The following DNAH7 variants were observed in gnomAD, a reference collection of about 807,000 sequenced individuals.
The protein encoded by DNAH7 is dynein axonemal heavy chain 7.
A neutral mutation model predicts 444.6 loss-of-function variants in DNAH7; 397 were observed. The ratio of observed to expected loss-of-function variants is 0.89; its 90% confidence interval spans 0.82 to 0.97. The LOEUF (loss-of-function observed/expected upper bound fraction) is 0.97, where lower values mean the gene tolerates loss of function less well. DNAH7 is among the 50% of genes least tolerant of loss of function. The probability of loss-of-function intolerance (pLI) is 0.00; values close to 1 mark genes in which losing one functional copy is unlikely to be tolerated. For missense variants in DNAH7, 4,902 were observed against 4,800.8 expected, an observed-to-expected ratio of 1.02 and a Z score of -0.62; for synonymous variants, 1,636 against 1,624.4, an observed-to-expected ratio of 1.01 and a Z score of -0.17.
At position 195,995,439 on chromosome 2, in the gene DNAH7, T is replaced by C. The variant is rs191574937; in HGVS notation, c.1353+5265A>G. 2.7e-3 allele frequency: 1,166 copies of C among 428,200 alleles called. 4 individuals are homozygous for C. Among genetic ancestry groups the C allele is most frequent in the Non-Finnish European group, 4.5e-3 (967 of 216,310 alleles). The allele number at this position is 428,200 out of a possible 1,614,324, so 26.5% of individuals were successfully genotyped here. ...GGAGATTTTTGGAGTTTTAGGACTA[T>C]CTGGACTTCATAGAGCAGCTCTTCT... On this transcript the variant is annotated intron_variant, in intron 12 of 64. Coordinates refer to ENST00000312428, the MANE Select transcript of DNAH7 (RefSeq NM_018897.3).
At position 195,951,256 on chromosome 2, in the gene DNAH7, G is replaced by C. The variant is rs573269172; in HGVS notation, c.3078+6005C>G. Among the ~76,000 whole-genome samples the C allele has an allele frequency of 1.2e-3, 181 of 152,292 alleles. 2 individuals carry two copies. Among genetic ancestry groups the C allele is most frequent in the African/African-American group, 4.2e-3 (173 of 41,560 alleles). ...TCCATGTAGTTGTGTGGTTTTGAGT[G>C]AGTTTCTTAACTCTGAGTTCTAATT... On this transcript the variant is annotated intron_variant, in intron 19 of 64. Transcript: ENST00000312428.
Position 196,066,211 on chromosome 2 carries a change from A to G in DNAH7, c.15+2486T>C, listed in dbSNP as rs549169302. On this transcript the variant is annotated intron_variant, in intron 1 of 64. Coordinates refer to ENST00000312428, the MANE Select transcript of DNAH7 (RefSeq NM_018897.3). ...CTGATCAAATGACTAGAATCTATAA[A>G]TGTGTCTGGTTAAATCAACAATAAC... Among the ~76,000 whole-genome samples, 7 of 152,340 alleles carry G rather than the reference A, an allele frequency of 4.6e-5. No individual in the cohort carries two copies. The South Asian group carries it at 1.4e-3, about 32-fold the overall frequency.
intron 48 of DNAH7, among the ~76,000 whole-genome samples, chr2:195,832,557 C>T (rs1282338613): frequency 6.6e-6 from 1 of 151,906 alleles, no homozygotes; most frequent in Non-Finnish European, 1.5e-5. Flanking sequence ...ATTCTCCCAC[C>T]TCAGCCTCCT....
In DNAH7 at chr2:196,006,994, T is replaced by C. The variant is rs534949994; in HGVS notation, c.990-5136A>G. Among the ~76,000 whole-genome samples the C allele has an allele frequency of 1.1e-4, 17 of 152,270 alleles. No homozygotes were observed. The South Asian group carries it at 1.2e-3, about 11-fold the overall frequency. On this transcript the variant is annotated intron_variant, in intron 10 of 64. Coordinates refer to ENST00000312428, the MANE Select transcript of DNAH7 (RefSeq NM_018897.3). ...TGGAAAGACATCCTGTGTTCATGAA[T>C]TGAAAGACTTAACATTATTAAGTTA... is the stretch of plus-strand genomic sequence containing the variant.
rs747868722 is a variant in DNAH7 at position 196,026,899 on chromosome 2, A to G, written c.528T>C (p.His176=). The G allele has an allele frequency of 1.9e-6, 3 of 1,612,248 alleles. No individual in the cohort carries two copies. The highest frequency in any genetic ancestry group is 2.2e-5 in the South Asian group (2 of 90,928). The part of the protein sequence containing the change: ...YYIHHGIDTD[H]VAPMEDSWLE... ...GCCAAGAATCTTCCATTGGGGCTAC[A>G]TGGTCTGTATCAATTCCATGGTGAA... The change falls in exon 7 of 65, where the codon CAT becomes CAC. Residue 176 remains histidine, a synonymous_variant. Coordinates refer to ENST00000312428, the MANE Select transcript of DNAH7 (RefSeq NM_018897.3).
At chr2:195,844,898 T>A (rs1698896077) in intron 47 of DNAH7, 104 bp downstream of exon 47, 13 of 988,706 alleles carry the variant, frequency 1.3e-5, no homozygotes. Context: ...AGTTAAGTAA[T>A]TTTTTAATAC....
chr2:196,068,816 T>A lies in DNAH7; in HGVS notation c.-105A>T. ...CCCCGGGACTTGCAGCGGTCTCAGCTCCCTCCGCACCAGAGCCGTCTAGCG... is the reference window on the plus strand; with the variant it reads ...CCCCGGGACTTGCAGCGGTCTCAGCACCCTCCGCACCAGAGCCGTCTAGCG... On this transcript the variant is annotated 5_prime_UTR_variant, in exon 1 of 65. Transcript: ENST00000312428. 1 of 1,441,818 alleles carries A rather than the reference T, an allele frequency of 6.9e-7. No homozygotes were observed. The highest frequency in any genetic ancestry group is 1.4e-5 in the African/African-American group (1 of 70,702). 89.3% of individuals were successfully genotyped at this position (1,441,818 alleles called of 1,614,324 possible).
chr2:195,988,205 A>C lies in DNAH7; in HGVS notation c.1378T>G (p.Leu460Val). ...KWESKSKPTT[L>V]KPIILNEIVD... ...ATTTCATTCAGAATTATGGGCTTCA[A>C]GGTTGTTGGTTTAGACTTACTTTCC... is the stretch of plus-strand genomic sequence containing the variant. The change falls in exon 13 of 65, where the codon TTG (leucine) becomes GTG (valine). Residue 460 changes from leucine to valine, a missense_variant. Transcript: ENST00000312428. The C allele has an allele frequency of 6.2e-7, 1 of 1,608,670 alleles. No homozygotes were observed. The highest frequency in any genetic ancestry group is 8.5e-7 in the Non-Finnish European group (1 of 1,178,376).
At chr2:195,926,304 T>C in intron 22 of DNAH7, 122 bp downstream of exon 22, 1 of 893,574 alleles carries the variant, frequency 1.1e-6, no homozygotes, top group Non-Finnish European at 1.5e-6. Context: ...GTAATTTGGC[T>C]TGCAGCATAA....
chr2:195,800,772 A>G (rs908072818), intron 54 of DNAH7, among the ~76,000 whole-genome samples: 10 of 152,336 alleles, frequency 6.6e-5, no homozygotes, highest in Admixed American at 6.5e-4. Context: ...TTTTCCTGGA[A>G]AAAAATCAAT....
chr2:195,820,902 A>T (rs1697437806), intron 49 of DNAH7, among the ~76,000 whole-genome samples: 1 of 152,242 alleles, frequency 6.6e-6, no homozygotes, highest in African/African-American at 2.4e-5. Context: ...TTTGCAAAGC[A>T]AAAGCGTTGT....
chr2:195,960,230 A>T (rs780443170), intron 18 of DNAH7, 30 bp downstream of exon 18: 2 of 1,545,164 alleles, frequency 1.3e-6, no homozygotes. Flanking sequence ...GTAACATAGC[A>T]TAAACATTGC....
At chr2:195,812,104 T>C (rs566970821) in intron 51 of DNAH7, among the ~76,000 whole-genome samples, 1 of 152,224 alleles carries the variant, frequency 6.6e-6, no homozygotes, top group Non-Finnish European at 1.5e-5. Flanking sequence ...CCTCTGGCAG[T>C]CCCCACCCAG....
intron 61 of DNAH7, among the ~76,000 whole-genome samples, chr2:195,765,739 G>A (rs1423514770): frequency 6.6e-6 from 1 of 152,164 alleles, no homozygotes; most frequent in African/African-American, 2.4e-5. Flanking sequence ...AAATGCAGGT[G>A]AGAATGTGGA....
intron 1 of DNAH7, 117 bp downstream of exon 1, chr2:196,068,580 T>C (rs1018203350): frequency 3.7e-6 from 5 of 1,368,614 alleles, no homozygotes; most frequent in Non-Finnish European, 5.0e-6. Context: ...TGAAGGAAGC[T>C]GTACACCGCG....
At chr2:195,832,508 T>C (rs1033092895) in intron 48 of DNAH7, among the ~76,000 whole-genome samples, 8 of 151,868 alleles carry the variant, frequency 5.3e-5, no homozygotes, top group African/African-American at 1.5e-4. Flanking sequence ...AGTGGTGTTA[T>C]CATAGCTCAC....
intron 61 of DNAH7, among the ~76,000 whole-genome samples, chr2:195,767,870 TAAAG>T (rs1479360343): frequency 2.0e-5 from 3 of 151,834 alleles, no homozygotes; most frequent in Non-Finnish European, 2.9e-5. Flanking sequence ...ATAAAGAAGA[TAAAG>T]AAACATGGCA....
At chr2:195,946,509 A>C (rs1182541979) in intron 19 of DNAH7, among the ~76,000 whole-genome samples, 1 of 152,154 alleles carries the variant, frequency 6.6e-6, no homozygotes, top group Non-Finnish European at 1.5e-5. Context: ...TTACATACCC[A>C]CAACTCTCCA....
In DNAH7 at chr2:196,068,690, C is replaced by G. The variant is rs1455398602; in HGVS notation, c.15+7G>C. 1.3e-6 allele frequency: 2 copies of G among 1,551,376 alleles called. No homozygotes were observed. Among genetic ancestry groups the G allele is most frequent in the South Asian group, 1.2e-5 (1 of 84,072 alleles). ...GCGGCGAGCCTGGCAAAGAGCAGCCCTCTCACCTGCTCACTGCTCATGGCT... is the reference window on the plus strand; with the variant it reads ...GCGGCGAGCCTGGCAAAGAGCAGCCGTCTCACCTGCTCACTGCTCATGGCT... On this transcript the variant is annotated splice_region_variant and intron_variant, in intron 1 of 64. Coordinates refer to ENST00000312428, the MANE Select transcript of DNAH7 (RefSeq NM_018897.3).
Sources: gnomAD v4.1 joint callset for allele counts (sites outside exome capture counted in the v4.1 genomes callset) on GRCh38, gnomAD v4.1.1 for gene constraint, MANE v1.5 for transcripts, NCBI Gene and HGNC (gene_info 2026-07-23, HGNC 2026-07-21) for gene names.